The following PROM1 variants were observed in gnomAD, a reference collection of about 807,000 sequenced individuals.
The protein encoded by PROM1 is prominin-1.
In PROM1, 105 loss-of-function variants were observed where a neutral mutation model predicts 116.9. That is an observed-to-expected ratio of 0.90 (90% confidence interval 0.77 to 1.06). The LOEUF (loss-of-function observed/expected upper bound fraction) is 1.06, where lower values mean the gene tolerates loss of function less well. Among genes scored for constraint, PROM1 ranks in the 50% least tolerant of loss-of-function variants. The pLI is 0.00. For missense variants in PROM1, 1,122 were observed against 1,045.2 expected (o/e 1.07, Z -1.01); for synonymous variants, 393 against 387.0 (o/e 1.02, Z -0.18).
chr4:15,990,117 G>A (rs1296123329), intron 18 of PROM1, among the ~76,000 whole-genome samples: 2 of 152,248 alleles, frequency 1.3e-5, no homozygotes, highest in South Asian at 2.1e-4. Context: ...CCATTTTACA[G>A]GTGAGAAAAC....
chr4:16,012,161 T>C (rs1673698627), intron 11 of PROM1, among the ~76,000 whole-genome samples: 1 of 152,104 alleles, frequency 6.6e-6, no homozygotes, highest in Admixed American at 6.5e-5. Flanking sequence ...CATGCCTGGC[T>C]AATTTTTGTA....
intron 4 of PROM1, among the ~76,000 whole-genome samples, chr4:16,035,505 G>A (rs1733750489): frequency 6.6e-6 from 1 of 152,232 alleles, no homozygotes; most frequent in African/African-American, 2.4e-5. Flanking sequence ...ACGAAGGCCT[G>A]TCACTACTTA....
intron 25 of PROM1, 116 bp downstream of exon 25, chr4:15,979,765 T>A (rs1406980460): frequency 1.9e-6 from 2 of 1,058,618 alleles, no homozygotes; most frequent in African/African-American, 3.2e-5. Context: ...CCTGTACAGA[T>A]CTGCTGTTTC....
At chr4:16,067,161 A>G (rs1460075240) in intron 2 of PROM1, among the ~76,000 whole-genome samples, 1 of 152,132 alleles carries the variant, frequency 6.6e-6, no homozygotes, top group Admixed American at 6.5e-5. Context: ...CTCCTCCTCC[A>G]TGGAGGGAAT....
In PROM1 at chr4:15,980,617, T is replaced by A; in HGVS notation, c.2374-80A>T. 1.1e-4 allele frequency: 94 copies of A among 890,962 alleles called. 1 individual carries two copies. The highest frequency in any genetic ancestry group is 1.7e-4 in the African/African-American group (10 of 58,456). The allele number at this position is 890,962 out of a possible 1,614,324, so 55.2% of individuals were successfully genotyped here. A position where few individuals can be genotyped will look rare whatever the true frequency, so the allele number is the denominator to read the frequency against. ...CAGTTGTTTGGGGGATTTTTTTTTTTTTTTTTTTTTTTTGGAATTTTTAAA... is the reference window on the plus strand; with the variant it reads ...CAGTTGTTTGGGGGATTTTTTTTTTATTTTTTTTTTTTTGGAATTTTTAAA... On this transcript the variant is annotated intron_variant, in intron 23 of 27. Coordinates refer to ENST00000447510, the MANE Select transcript of PROM1 (RefSeq NM_006017.3).
At chr4:15,983,828 G>A (rs938015370) in intron 23 of PROM1, among the ~76,000 whole-genome samples, 2 of 152,218 alleles carry the variant, frequency 1.3e-5, no homozygotes, top group Non-Finnish European at 2.9e-5. Context: ...ATCTGTTGAG[G>A]AGGGAACAGA....
chr4:16,079,705 T>A (rs1477355705), intron 1 of PROM1, among the ~76,000 whole-genome samples: 1 of 152,128 alleles, frequency 6.6e-6, no homozygotes. Flanking sequence ...CAAGCTTTCC[T>A]GGGGACTGAT....
chr4:16,000,525 C>T lies in PROM1; in HGVS notation c.1549G>A (p.Glu517Lys), dbSNP rs1723508731. Residue 517 changes from glutamate to lysine, a missense_variant, in exon 14 of 28, where the codon GAA becomes AAA. Coordinates refer to ENST00000447510, the MANE Select transcript of PROM1 (RefSeq NM_006017.3). ...AATAATTCCTTGCTCGTGTAAGGTT[C>T]ACAGATCAGTTTTTCCACATTTGCA... is the stretch of plus-strand genomic sequence containing the variant. ...FGANVEKLICEPYTSKELFRV... is the reference protein window; with the variant it reads ...FGANVEKLICKPYTSKELFRV... The T allele has an allele frequency of 1.3e-6, 2 of 1,595,672 alleles. No individual in the cohort carries two copies. Among genetic ancestry groups the T allele is most frequent in the Non-Finnish European group, 1.7e-6 (2 of 1,163,852 alleles).
intron 9 of PROM1, 84 bp downstream of exon 9, chr4:16,018,239 C>G: frequency 1.5e-6 from 2 of 1,308,874 alleles, no homozygotes; most frequent in Non-Finnish European, 2.2e-6. Flanking sequence ...GGCCACCATG[C>G]ACTGGATAGG....
At chr4:15,981,342 A>G (rs936451040) in intron 23 of PROM1, among the ~76,000 whole-genome samples, 1 of 151,256 alleles carries the variant, frequency 6.6e-6, no homozygotes, top group African/African-American at 2.4e-5. Flanking sequence ...AGGCCGAGGC[A>G]GGCGGATCAC....
At chr4:15,997,245 C>T (rs1722544699) in intron 15 of PROM1, among the ~76,000 whole-genome samples, 2 of 146,624 alleles carry the variant, frequency 1.4e-5, no homozygotes, top group Non-Finnish European at 3.0e-5. Context: ...AAATGCATTT[C>T]GTTCATATAT....
At chr4:16,070,709 C>T (rs913731500) in intron 2 of PROM1, among the ~76,000 whole-genome samples, 1 of 152,178 alleles carries the variant, frequency 6.6e-6, no homozygotes, top group African/African-American at 2.4e-5. Context: ...GAAGCAAAGA[C>T]CAATCAGTAA....
At chr4:15,994,639 C>T (rs1386005328) in intron 15 of PROM1, among the ~76,000 whole-genome samples, 2 of 152,188 alleles carry the variant, frequency 1.3e-5, no homozygotes, top group African/African-American at 4.8e-5. Context: ...GAAATGGCCT[C>T]ACCTCACCAT....
Position 15,971,382 on chromosome 4 carries a change from G to A in PROM1, c.2583-300C>T, listed in dbSNP as rs1320317342. The A allele has an allele frequency of 1.6e-5, 5 of 321,744 alleles. No individual in the cohort carries two copies. In the Admixed American group the frequency reaches 1.8e-4, roughly 11 times the overall value. 19.9% of individuals were successfully genotyped at this position (321,744 alleles called of 1,614,324 possible). A position where few individuals can be genotyped will look rare whatever the true frequency, so the allele number is the denominator to read the frequency against. ...AGAGTCACTAAGAATACGTGTTGAAGACATTAGACCAGCAGCAACACAGCA... is the reference window on the plus strand; with the variant it reads ...AGAGTCACTAAGAATACGTGTTGAAAACATTAGACCAGCAGCAACACAGCA... On this transcript the variant is annotated intron_variant, in intron 26 of 27. Coordinates refer to ENST00000447510, the MANE Select transcript of PROM1 (RefSeq NM_006017.3).
At chr4:15,989,134 A>T (rs1163803021) in intron 19 of PROM1, among the ~76,000 whole-genome samples, 2 of 152,196 alleles carry the variant, frequency 1.3e-5, no homozygotes, top group Admixed American at 1.3e-4. Context: ...CAACATTTTT[A>T]GATGAGGAAA....
chr4:16,009,971 G>A (rs1461884414), intron 11 of PROM1, among the ~76,000 whole-genome samples: 1 of 145,758 alleles, frequency 6.9e-6, no homozygotes, highest in Non-Finnish European at 1.5e-5. Flanking sequence ...TTCAGGAACA[G>A]AGTAATTCTC....
chr4:16,066,519 C>CACTGATTTGAACT (rs1486552386), intron 2 of PROM1, among the ~76,000 whole-genome samples: 1 of 152,170 alleles, frequency 6.6e-6, no homozygotes, highest in East Asian at 1.9e-4. Flanking sequence ...CAAATCTAGG[C>CACTGATTTGAACT]AGTGACTCCA....
At chr4:16,075,621 A>T in intron 2 of PROM1, 66 bp downstream of exon 2, 2 of 1,434,328 alleles carry the variant, frequency 1.4e-6, no homozygotes, top group Non-Finnish European at 1.9e-6. Context: ...TTGCATTGAC[A>T]TTAAAAAACA....
intron 26 of PROM1, among the ~76,000 whole-genome samples, chr4:15,978,213 A>C (rs1030219667): frequency 2.6e-5 from 4 of 152,212 alleles, no homozygotes; most frequent in Non-Finnish European, 5.9e-5. Flanking sequence ...TTTATAAGCT[A>C]CCCAGTTTAA....
Sources: gnomAD v4.1 joint callset for allele counts (sites outside exome capture counted in the v4.1 genomes callset) on GRCh38, gnomAD v4.1.1 for gene constraint, MANE v1.5 for transcripts, NCBI Gene and HGNC (gene_info 2026-07-23, HGNC 2026-07-21) for gene names.